Variants in MYO9A observed in about 807,000 individuals in gnomAD.
MYO9A encodes the protein unconventional myosin-IXa.
MYO9A carries 103 observed loss-of-function variants against 293.3 expected under a neutral mutation model. The observed-to-expected ratio is 0.35, with a 90% CI of 0.30 to 0.41. MYO9A has a LOEUF of 0.41. Ranked by LOEUF, MYO9A falls within the 10% of genes least tolerant of loss-of-function variation. MYO9A has a pLI of 1.00. For synonymous variants in MYO9A, 1,001 were observed against 1,035.7 expected, an observed-to-expected ratio of 0.97 and a Z score of 0.64; for missense variants, 2,685 against 3,033.0, an observed-to-expected ratio of 0.89 and a Z score of 2.69.
rs1003023452 is a variant in MYO9A at position 72,021,029 on chromosome 15, A to T, written c.999-12T>A. ...ATACATGATAGTTCCTGTGGGAAAC[A>T]AAGAAGTACAAGTTTCATAATGTGT... On this transcript the variant is annotated splice_polypyrimidine_tract_variant and intron_variant, in intron 4 of 41. Coordinates refer to ENST00000356056, the MANE Select transcript of MYO9A (RefSeq NM_006901.4). The T allele has an allele frequency of 7.3e-6, 11 of 1,505,742 alleles. No individual in the cohort carries two copies. The highest frequency in any genetic ancestry group is 9.8e-6 in the Non-Finnish European group (11 of 1,119,476). 93.3% of individuals were successfully genotyped at this position (1,505,742 alleles called of 1,614,324 possible).
intron 2 of MYO9A, among the ~76,000 whole-genome samples, chr15:72,036,220 T>C (rs976866349): frequency 6.6e-6 from 1 of 152,144 alleles, no homozygotes; most frequent in African/African-American, 2.4e-5. Flanking sequence ...GCAGAAATGG[T>C]TGCCCCATGA....
intron 1 of MYO9A, among the ~76,000 whole-genome samples, chr15:72,099,659 T>A (rs1354147764): frequency 1.3e-5 from 2 of 151,052 alleles, no homozygotes; most frequent in Non-Finnish European, 2.9e-5. Flanking sequence ...TCCCAGAATT[T>A]TGGGAGGCTG....
At chr15:72,088,113 C>G (rs2079799586) in intron 1 of MYO9A, among the ~76,000 whole-genome samples, 1 of 152,154 alleles carries the variant, frequency 6.6e-6, no homozygotes, top group African/African-American at 2.4e-5. Flanking sequence ...GAAACTAAAC[C>G]TGACAACACC....
chr15:71,838,612 T>C (rs1322726453), intron 39 of MYO9A, among the ~76,000 whole-genome samples: 2 of 152,326 alleles, frequency 1.3e-5, no homozygotes, highest in African/African-American at 2.4e-5. Flanking sequence ...GAACTGTTGA[T>C]AAGTAGTAGG....
intron 1 of MYO9A, among the ~76,000 whole-genome samples, chr15:72,075,294 A>G (rs1489655958): frequency 6.6e-6 from 1 of 151,838 alleles, no homozygotes; most frequent in Non-Finnish European, 1.5e-5. Flanking sequence ...TTTAATATTC[A>G]CATATAATAA....
chr15:71,934,742 A>T (rs1161175035), intron 17 of MYO9A, among the ~76,000 whole-genome samples: 1 of 144,862 alleles, frequency 6.9e-6, no homozygotes, highest in Non-Finnish European at 1.5e-5. Flanking sequence ...CTGGAACTAC[A>T]TGCATGCACT....
chr15:71,962,846 TGA>T (rs575383827), intron 13 of MYO9A, among the ~76,000 whole-genome samples: 129 of 152,316 alleles, frequency 8.5e-4, no homozygotes, highest in African/African-American at 2.9e-3. Context: ...TGTCAAGTGT[TGA>T]GAGTGACCAG....
rs1003810515 is a variant in MYO9A at position 72,061,925 on chromosome 15, A to T, written c.-71-15291T>A. Among the ~76,000 whole-genome samples the T allele has an allele frequency of 3.9e-5, 6 of 152,368 alleles. No homozygotes were observed. In the East Asian group the frequency reaches 1.2e-3, roughly 29 times the overall value. Reference sequence around the variant, plus strand: ...GCAGACTTCAGGTCTGACCCAGCACAGTCCAAGAGGTGGTGGTCACGGCGG... The same window carrying T: ...GCAGACTTCAGGTCTGACCCAGCACTGTCCAAGAGGTGGTGGTCACGGCGG... On this transcript the variant is annotated intron_variant, in intron 1 of 41. Coordinates refer to ENST00000356056, the MANE Select transcript of MYO9A (RefSeq NM_006901.4).
intron 8 of MYO9A, among the ~76,000 whole-genome samples, chr15:72,004,326 G>C (rs1001619545): frequency 3.3e-5 from 5 of 152,230 alleles, no homozygotes; most frequent in African/African-American, 1.2e-4. Context: ...GGGAGGCCAA[G>C]GCGGGTGGAT....
intron 13 of MYO9A, among the ~76,000 whole-genome samples, chr15:71,965,843 A>G (rs996903914): frequency 6.6e-6 from 1 of 152,062 alleles, no homozygotes; most frequent in African/African-American, 2.4e-5. Flanking sequence ...TTGTATCTCT[A>G]GTAATATTTC....
At chr15:72,007,742 C>G (rs1036245165) in intron 8 of MYO9A, 84 bp downstream of exon 8, 15 of 1,326,980 alleles carry the variant, frequency 1.1e-5, no homozygotes, top group Middle Eastern at 1.9e-4. Flanking sequence ...AAAGCATTAA[C>G]CCGTTTACAC....
intron 1 of MYO9A, among the ~76,000 whole-genome samples, chr15:72,064,502 G>C (rs1441494634): frequency 6.6e-6 from 1 of 152,122 alleles, no homozygotes; most frequent in Admixed American, 6.5e-5. Context: ...GAGAAGAAGG[G>C]ATTGACTGAA....
At chr15:71,929,088 A>G (rs978700909) in intron 18 of MYO9A, among the ~76,000 whole-genome samples, 2 of 149,742 alleles carry the variant, frequency 1.3e-5, no homozygotes, top group Non-Finnish European at 3.0e-5. Flanking sequence ...AAAAAAAAAA[A>G]GCAAGAAACA....
At chr15:71,919,131 T>G (rs533111863) in intron 18 of MYO9A, among the ~76,000 whole-genome samples, 31 of 152,332 alleles carry the variant, frequency 2.0e-4, no homozygotes, top group Non-Finnish European at 4.1e-4. Context: ...ATTTGTATAT[T>G]GTCTTCTTTT....
chr15:71,845,564 TGTACTAATTACATACAAG>T (rs1455729125), intron 39 of MYO9A, among the ~76,000 whole-genome samples: 3 of 152,348 alleles, frequency 2.0e-5, no homozygotes, highest in African/African-American at 7.2e-5. Context: ...TGTTGACATC[TGTACTAATTACATACAAG>T]CAATTGTGGG....
At chr15:72,053,349 T>C (rs2078626400) in intron 1 of MYO9A, among the ~76,000 whole-genome samples, 1 of 151,310 alleles carries the variant, frequency 6.6e-6, no homozygotes, top group Non-Finnish European at 1.5e-5. Context: ...CAGGTTGCAG[T>C]AAGCCAAGAT....
chr15:71,914,851 G>C (rs1204227556), intron 19 of MYO9A, among the ~76,000 whole-genome samples: 1 of 152,130 alleles, frequency 6.6e-6, no homozygotes, highest in African/African-American at 2.4e-5. Flanking sequence ...TTATAACTAA[G>C]TTTTTATTGT....
intron 18 of MYO9A, among the ~76,000 whole-genome samples, chr15:71,920,250 G>A (rs577602723): frequency 5.9e-5 from 9 of 152,158 alleles, no homozygotes; most frequent in Non-Finnish European, 1.3e-4. Flanking sequence ...ACCACTTGCT[G>A]TGCAAGGTGC....
rs2077137784 is a variant in MYO9A, at chr15:72,010,357, G to A, written c.1246C>T (p.Arg416Ter). ...MEMVGFLPKT[R>*]RQIFSLLSAI... The stretch of plus-strand genomic sequence containing the variant: ...TACAACAAGTAAACTCACTGTCTTC[G>A]TGTCTTGGGAAGAAATCCTACCATT... Residue 416 changes from arginine to a stop codon, truncating the protein, a stop_gained, in exon 7 of 42, where the codon CGA becomes TGA. Transcript: ENST00000356056. LOFTEE classifies it high-confidence loss of function. The A allele has an allele frequency of 3.1e-6, 5 of 1,612,448 alleles. No individual in the cohort carries two copies. The Admixed American group carries it at 5.0e-5, about 16-fold the overall frequency.
Sources: allele counts gnomAD v4.1 joint callset (sites outside exome capture counted in the v4.1 genomes callset), GRCh38; gene constraint gnomAD v4.1.1; transcripts MANE v1.5; gene names NCBI Gene and HGNC (gene_info 2026-07-23, HGNC 2026-07-21).